Variants in PDE1C observed in about 807,000 individuals in gnomAD.
PDE1C encodes the protein phosphodiesterase 1C, also known as dual specificity calcium/calmodulin-dependent 3',5'-cyclic nucleotide phosphodiesterase 1C.
PDE1C carries 62 observed loss-of-function variants against 93.1 expected under a neutral mutation model. The ratio of observed to expected loss-of-function variants is 0.67; its 90% confidence interval spans 0.54 to 0.82. The LOEUF is 0.82. Ranked by LOEUF, PDE1C falls within the 40% of genes least tolerant of loss-of-function variation. The pLI is 0.00. For missense variants in PDE1C, 742 were observed against 884.6 expected, an observed-to-expected ratio of 0.84 and a Z score of 2.04; for synonymous variants, 325 against 310.1, an observed-to-expected ratio of 1.05 and a Z score of -0.50.
chr7:31,655,396 T>C, the PDE1C span, among the ~76,000 whole-genome samples: 2 of 152,186 alleles, frequency 1.3e-5, no homozygotes, highest in Non-Finnish European at 2.9e-5. Context: ...CAGTGCAACA[T>C]AGGTGCTTCC....
chr7:32,221,846 T>C (rs17161045), intron 1 of PDE1C, among the ~76,000 whole-genome samples: 62,124 of 152,046 alleles, frequency 0.41, 13,474 homozygotes, highest in East Asian at 0.65. Context: ...CAGAGGGTGA[T>C]GGAGAGAAAC....
intron 3 of PDE1C, among the ~76,000 whole-genome samples, chr7:32,078,338 T>C (rs1413150285): frequency 6.6e-6 from 1 of 152,202 alleles, no homozygotes; most frequent in Non-Finnish European, 1.5e-5. Flanking sequence ...CTCTAAACTT[T>C]CTGTGGGATC....
intron 2 of PDE1C, among the ~76,000 whole-genome samples, chr7:31,943,666 A>C (rs1024181908): frequency 6.6e-6 from 1 of 152,122 alleles, no homozygotes; most frequent in Non-Finnish European, 1.5e-5. Flanking sequence ...TATCTAATTC[A>C]TTCTCCCCAA....
intron 3 of PDE1C, among the ~76,000 whole-genome samples, chr7:32,098,463 A>C (rs1797881959): frequency 6.6e-6 from 1 of 151,984 alleles, no homozygotes; most frequent in Non-Finnish European, 1.5e-5. Context: ...TCTTAACACA[A>C]TCCCTGCTCA....
rs113085326 is a variant in PDE1C, at chr7:32,415,820, T to C, written c.310+12002A>G. 3.9e-3 allele frequency among the ~76,000 whole-genome samples: 593 copies of C among 152,322 alleles called. 7 individuals carry two copies. Among genetic ancestry groups the C allele is most frequent in the African/African-American group, 0.013 (559 of 41,580 alleles). On this transcript the variant is annotated intron_variant, in intron 1 of 1. Coordinates refer to the PDE1C transcript ENST00000672256. ...AAGCAACAACTCTGGCTGGCTGGCT[T>C]ATAGGCTAGTCATCTCCAAGGTCAT...
chr7:31,702,130 C>T, the PDE1C span, among the ~76,000 whole-genome samples: 1 of 151,898 alleles, frequency 6.6e-6, no homozygotes, highest in Non-Finnish European at 1.5e-5. Context: ...TTTAGTCATT[C>T]TACAGGTTAT....
At chr7:32,101,495 C>G (rs1187517370) in intron 3 of PDE1C, among the ~76,000 whole-genome samples, 3 of 152,122 alleles carry the variant, frequency 2.0e-5, no homozygotes, top group African/African-American at 4.8e-5. Flanking sequence ...TGACTTGGTG[C>G]TGTCCCCATG....
At chr7:31,726,695 A>G in the PDE1C span, among the ~76,000 whole-genome samples, 1 of 152,206 alleles carries the variant, frequency 6.6e-6, no homozygotes, top group Non-Finnish European at 1.5e-5. Flanking sequence ...TTCTCTATCA[A>G]TTACAGCTTT....
chr7:32,079,747 G>A (rs1288546761), intron 3 of PDE1C, among the ~76,000 whole-genome samples: 1 of 152,236 alleles, frequency 6.6e-6, no homozygotes, highest in Non-Finnish European at 1.5e-5. Flanking sequence ...AGTGTGCCAA[G>A]AGTGGGGAGG....
At chr7:31,706,735 T>A in the PDE1C span, among the ~76,000 whole-genome samples, 1 of 152,220 alleles carries the variant, frequency 6.6e-6, no homozygotes, top group Non-Finnish European at 1.5e-5. Flanking sequence ...GACATTTACT[T>A]GCTCTGGGTT....
chr7:31,698,997 T>A, the PDE1C span, among the ~76,000 whole-genome samples: 1 of 152,206 alleles, frequency 6.6e-6, no homozygotes, highest in Non-Finnish European at 1.5e-5. Flanking sequence ...ACAGCTCAAG[T>A]GCTGGGCATA....
intron 1 of PDE1C, among the ~76,000 whole-genome samples, chr7:32,253,428 A>T (rs904503664): frequency 1.1e-4 from 17 of 152,200 alleles, no homozygotes; most frequent in Non-Finnish European, 2.1e-4. Flanking sequence ...CGCGCCTTCC[A>T]GAGAATACAG....
intron 2 of PDE1C, chr7:32,209,482 T>C: frequency 6.4e-7 from 1 of 1,569,832 alleles, no homozygotes; most frequent in Non-Finnish European, 8.6e-7. Context: ...AAACAAGATT[T>C]ACTCACGAGA....
intron 3 of PDE1C, among the ~76,000 whole-genome samples, chr7:32,087,418 C>T (rs1040800585): frequency 4.0e-5 from 6 of 151,886 alleles, no homozygotes; most frequent in South Asian, 2.1e-4. Context: ...GTAAACTAGT[C>T]CAACCATTGT....
At chr7:32,304,413 G>A (rs1033050341) in intron 1 of PDE1C, among the ~76,000 whole-genome samples, 4 of 152,158 alleles carry the variant, frequency 2.6e-5, no homozygotes, top group African/African-American at 4.8e-5. Flanking sequence ...AGGCTGTGTG[G>A]CCAGGAGATG....
chr7:32,359,919 G>A (rs1039578169), intron 1 of PDE1C, among the ~76,000 whole-genome samples: 9 of 152,106 alleles, frequency 5.9e-5, no homozygotes, highest in African/African-American at 2.2e-4. Flanking sequence ...AGTCTCCAAT[G>A]CACCCACCCA....
intron 2 of PDE1C, among the ~76,000 whole-genome samples, chr7:31,991,999 G>A (rs1784198417): frequency 1.3e-5 from 2 of 152,052 alleles, no homozygotes; most frequent in Admixed American, 1.3e-4. Context: ...GACCTATCTG[G>A]GTTAATCTGG....
chr7:31,735,107 G>A, the PDE1C span, among the ~76,000 whole-genome samples: 6 of 152,168 alleles, frequency 3.9e-5, no homozygotes, highest in African/African-American at 1.4e-4. Context: ...TATTTGAAAA[G>A]GATTGCATAG....
chr7:32,388,691 A>AG, intron 1 of PDE1C, among the ~76,000 whole-genome samples: 1 of 150,998 alleles, frequency 6.6e-6, no homozygotes, highest in Admixed American at 6.6e-5. Flanking sequence ...AAAAAAAAAA[A>AG]AAAAAAAAAA....
Sources: allele counts gnomAD v4.1 joint callset (sites outside exome capture counted in the v4.1 genomes callset), GRCh38; gene constraint gnomAD v4.1.1; transcripts MANE v1.5; gene names NCBI Gene and HGNC (gene_info 2026-07-23, HGNC 2026-07-21).